The following CTNNA2 variants were observed in gnomAD, a reference collection of about 807,000 sequenced individuals.
The protein encoded by CTNNA2 is catenin alpha 2, also known as catenin alpha-2.
CTNNA2 carries 42 observed loss-of-function variants against 101.0 expected under a neutral mutation model. The ratio of observed to expected loss-of-function variants is 0.42; its 90% confidence interval spans 0.32 to 0.54. CTNNA2 has a LOEUF of 0.54. Ranked by LOEUF, CTNNA2 falls within the 20% of genes least tolerant of loss-of-function variation. The pLI is 0.14. For missense variants in CTNNA2, 871 were observed against 1,223.1 expected, an observed-to-expected ratio of 0.71 and a Z score of 4.29; for synonymous variants, 450 against 456.4, an observed-to-expected ratio of 0.99 and a Z score of 0.18.
chr2:80,406,100 G>A (rs11689271), intron 8 of CTNNA2, among the ~76,000 whole-genome samples: 20,803 of 152,188 alleles, frequency 0.14, 1,565 homozygotes, highest in African/African-American at 0.2. Flanking sequence ...GCTCACGCCT[G>A]TAATGCCAGC....
intron 4 of CTNNA2, among the ~76,000 whole-genome samples, chr2:79,388,256 C>T (rs112256134): frequency 3.9e-5 from 6 of 152,078 alleles, no homozygotes; most frequent in Non-Finnish European, 5.9e-5. Context: ...TCTCAAGAAC[C>T]GAGGCTGATG....
chr2:79,796,425 A>T (rs766740726), intron 3 of CTNNA2, among the ~76,000 whole-genome samples: 6 of 151,408 alleles, frequency 4.0e-5, no homozygotes, highest in African/African-American at 1.5e-4. Context: ...GGCCTAAACT[A>T]TGCCCAAGTT....
At chr2:80,549,034 A>C (rs1343325408) in intron 11 of CTNNA2, among the ~76,000 whole-genome samples, 2 of 152,194 alleles carry the variant, frequency 1.3e-5, no homozygotes, top group Admixed American at 1.3e-4. Flanking sequence ...AAATTTGTCC[A>C]TATGAAATGC....
At chr2:80,247,525 G>A (rs1671418672) in intron 7 of CTNNA2, among the ~76,000 whole-genome samples, 1 of 152,190 alleles carries the variant, frequency 6.6e-6, no homozygotes, top group Non-Finnish European at 1.5e-5. Flanking sequence ...CAGTGAGCCA[G>A]ACCGGTAGCT....
intron 7 of CTNNA2, among the ~76,000 whole-genome samples, chr2:80,231,783 C>T (rs1709228275): frequency 6.6e-6 from 1 of 152,120 alleles, no homozygotes; most frequent in South Asian, 2.1e-4. Context: ...ATTTCTTTGA[C>T]ATATTTTAGA....
At chr2:79,897,001 G>T (rs1684759903) in intron 6 of CTNNA2, among the ~76,000 whole-genome samples, 1 of 152,132 alleles carries the variant, frequency 6.6e-6, no homozygotes. Context: ...TGAGAATCTT[G>T]AAGGCCAGGC....
chr2:80,521,140 C>G (rs1202209105), intron 9 of CTNNA2, among the ~76,000 whole-genome samples: 2 of 152,108 alleles, frequency 1.3e-5, no homozygotes, highest in Non-Finnish European at 2.9e-5. Context: ...GTGTAGTGAG[C>G]AAAGATGTTC....
chr2:79,707,977 C>T (rs375399269), intron 2 of CTNNA2, among the ~76,000 whole-genome samples: 46 of 152,298 alleles, frequency 3.0e-4, no homozygotes, highest in Middle Eastern at 3.4e-3. Flanking sequence ...TAATATTCAA[C>T]AAGGATTTGA....
intron 9 of CTNNA2, among the ~76,000 whole-genome samples, chr2:80,543,944 T>G (rs1691810358): frequency 6.6e-6 from 1 of 152,154 alleles, no homozygotes; most frequent in Admixed American, 6.5e-5. Flanking sequence ...CTTTGACTTT[T>G]CATATCCCCA....
intron 1 of CTNNA2, among the ~76,000 whole-genome samples, chr2:79,615,376 C>T (rs1325279499): frequency 6.6e-6 from 1 of 151,914 alleles, no homozygotes; most frequent in South Asian, 2.1e-4. Context: ...TTAAATATGA[C>T]TAAAAAAGTT....
intron 7 of CTNNA2, among the ~76,000 whole-genome samples, chr2:80,032,788 G>A (rs1264926477): frequency 6.6e-6 from 1 of 152,144 alleles, no homozygotes; most frequent in Non-Finnish European, 1.5e-5. Context: ...TGGCCTGTAT[G>A]AAGAAACATT....
intron 7 of CTNNA2, among the ~76,000 whole-genome samples, chr2:80,125,393 T>C (rs1702056530): frequency 6.6e-6 from 1 of 152,150 alleles, no homozygotes; most frequent in Admixed American, 6.5e-5. Context: ...TGACAAGGAC[T>C]ATCTCTGATG....
intron 2 of CTNNA2, among the ~76,000 whole-genome samples, chr2:79,253,859 G>T (rs1381439459): frequency 6.6e-6 from 1 of 152,184 alleles, no homozygotes; most frequent in Non-Finnish European, 1.5e-5. Context: ...CCAACAGAGT[G>T]TGTTAGCTGT....
intron 7 of CTNNA2, among the ~76,000 whole-genome samples, chr2:79,953,153 A>C (rs1689001501): frequency 6.6e-6 from 1 of 152,242 alleles, no homozygotes; most frequent in South Asian, 2.1e-4. Context: ...TCTGTCCTTC[A>C]GAGCCCTTCT....
intron 2 of CTNNA2, among the ~76,000 whole-genome samples, chr2:79,284,728 G>T (rs1444364816): frequency 1.3e-4 from 19 of 150,514 alleles, no homozygotes; most frequent in East Asian, 4.0e-4. Flanking sequence ...TCTCTTTTTT[G>T]GTTGTGTCTC....
intron 7 of CTNNA2, among the ~76,000 whole-genome samples, chr2:79,989,235 T>A (rs1227155976): frequency 6.6e-6 from 1 of 152,198 alleles, no homozygotes; most frequent in Admixed American, 6.5e-5. Flanking sequence ...ACAAAAATGT[T>A]GGGTCTATTC....
intron 7 of CTNNA2, among the ~76,000 whole-genome samples, chr2:80,325,395 G>C (rs1189905428): frequency 6.6e-6 from 1 of 152,204 alleles, no homozygotes. Context: ...TTCAAGTATA[G>C]GTGAATCCTT....
chr2:79,560,837 A>T (rs1329981387), intron 1 of CTNNA2, among the ~76,000 whole-genome samples: 1 of 151,964 alleles, frequency 6.6e-6, no homozygotes, highest in Non-Finnish European at 1.5e-5. Flanking sequence ...TTGTCCATTT[A>T]TGAAGAAGCA....
At chr2:79,721,688 C>G (rs1686500535) in intron 2 of CTNNA2, among the ~76,000 whole-genome samples, 1 of 152,164 alleles carries the variant, frequency 6.6e-6, no homozygotes, top group South Asian at 2.1e-4. Context: ...GTAATTGGTA[C>G]TAAATAATTT....
Sources: gnomAD v4.1 joint callset for allele counts (sites outside exome capture counted in the v4.1 genomes callset) on GRCh38, gnomAD v4.1.1 for gene constraint, MANE v1.5 for transcripts, NCBI Gene and HGNC (gene_info 2026-07-23, HGNC 2026-07-21) for gene names.